The following TYW1B variants were observed in gnomAD, a reference collection of about 807,000 sequenced individuals.
TYW1B encodes tRNA-yW synthesizing protein 1 homolog B, also known as S-adenosyl-L-methionine-dependent tRNA 4-demethylwyosine synthase TYW1B.
TYW1B carries 73 observed loss-of-function variants against 86.9 expected under a neutral mutation model. The observed-to-expected ratio is 0.84, with a 90% CI of 0.70 to 1.02. The LOEUF (loss-of-function observed/expected upper bound fraction) is 1.02. Among genes scored for constraint, TYW1B ranks in the 50% least tolerant of loss-of-function variants. The pLI is 0.00. For synonymous variants in TYW1B, 248 were observed against 292.8 expected (o/e 0.85, Z 1.56); for missense variants, 637 against 827.4 (o/e 0.77, Z 2.82).
chr7:72,775,664 C>T (rs2105511), intron 7 of TYW1B, among the ~76,000 whole-genome samples: 103,148 of 151,576 alleles, frequency 0.68, 36,119 homozygotes, highest in Non-Finnish European at 0.77. Context: ...AATTCATCAC[C>T]AACAAACCTG....
At position 72,810,583 on chromosome 7, in the gene TYW1B, T is replaced by G. The variant is rs549041845; in HGVS notation, c.320A>C (p.Lys107Thr). 6.2e-7 allele frequency: 1 copy of G among 1,613,956 alleles called. No homozygotes were observed. Among genetic ancestry groups the G allele is most frequent in the Non-Finnish European group, 8.5e-7 (1 of 1,179,862 alleles). The change falls in exon 4 of 14, where the codon AAA becomes ACA. Residue 107 changes from lysine (K) to threonine (T), a missense_variant. Coordinates refer to ENST00000620995, the MANE Select transcript of TYW1B (RefSeq NM_001145440.3). Reference protein sequence around the residue: ...LPTESAEWFCKWLEEASIDFR... With the variant: ...LPTESAEWFCTWLEEASIDFR... ...ATCAATGGATGCTTCCTCTAACCATTTGCAGAACCACTCTGCACTTTCGGT... is the reference window on the plus strand; with the variant it reads ...ATCAATGGATGCTTCCTCTAACCATGTGCAGAACCACTCTGCACTTTCGGT...
At chr7:72,715,359 C>T (rs1253372079) in intron 9 of TYW1B, among the ~76,000 whole-genome samples, 2 of 152,282 alleles carry the variant, frequency 1.3e-5, no homozygotes, top group African/African-American at 4.8e-5. Context: ...GGAGGGGCCT[C>T]GTGCATCAGG....
intron 8 of TYW1B, among the ~76,000 whole-genome samples, chr7:72,741,074 T>C (rs1405469591): frequency 6.6e-6 from 1 of 151,918 alleles, no homozygotes; most frequent in Non-Finnish European, 1.5e-5. Flanking sequence ...ATACAAACCA[T>C]GCAAAGAAAC....
chr7:72,800,866 T>A (rs1788392305), intron 6 of TYW1B, among the ~76,000 whole-genome samples: 1 of 152,094 alleles, frequency 6.6e-6, no homozygotes, highest in Admixed American at 6.6e-5. Flanking sequence ...TACTAGAATT[T>A]TTATTGGGAT....
chr7:72,592,238 T>A (rs572548896), intron 13 of TYW1B, among the ~76,000 whole-genome samples: 27 of 151,864 alleles, frequency 1.8e-4, no homozygotes, highest in Non-Finnish European at 3.2e-4. Context: ...AAGGTGTTAT[T>A]CTGTGACATC....
chr7:72,728,250 T>C (rs150361477), intron 9 of TYW1B, among the ~76,000 whole-genome samples: 1 of 152,316 alleles, frequency 6.6e-6, no homozygotes, highest in Admixed American at 6.5e-5. Flanking sequence ...TGATGGTACA[T>C]TCCCAGGTAA....
intron 11 of TYW1B, among the ~76,000 whole-genome samples, chr7:72,655,074 G>T (rs567138995): frequency 1.3e-5 from 2 of 152,022 alleles, no homozygotes; most frequent in Admixed American, 1.3e-4. Flanking sequence ...GACTAGAGGC[G>T]CTTGGTACTC....
rs370356685 is a variant in TYW1B, at chr7:72,694,781, G to A, written c.1412C>T (p.Ala471Val). 11 of 1,611,668 alleles carry A rather than the reference G, an allele frequency of 6.8e-6. No homozygotes were observed. The African/African-American group carries it at 1.1e-4, about 16-fold the overall frequency. The change falls in exon 11 of 14, where the codon GCC (alanine) becomes GTC (valine). Residue 471 changes from alanine (A) to valine (V), a missense_variant. Physicochemically the swap from Ala to Val is moderately conservative, Grantham distance 64. Transcript: ENST00000620995. ...TTTCTTCAGGCTGTCTTTGGTACTG[G>A]CATCCACACTGACATACAGCTGAGT... ...PVTQLYVSVD[A>V]STKDSLKKID...
intron 13 of TYW1B, among the ~76,000 whole-genome samples, chr7:72,592,756 T>G (rs1811425878): frequency 6.6e-6 from 1 of 152,028 alleles, no homozygotes; most frequent in Non-Finnish European, 1.5e-5. Context: ...TCTACTAATA[T>G]CAAAGAAAAT....
At chr7:72,713,873 T>A (rs1415279309) in intron 9 of TYW1B, 75 bp from the exon 10 acceptor site, 1 of 1,460,390 alleles carries the variant, frequency 6.8e-7, no homozygotes, top group African/African-American at 1.4e-5. Flanking sequence ...TAATGATGCT[T>A]TGATTTTATA....
At chr7:72,728,616 T>C (rs1420073178) in intron 9 of TYW1B, among the ~76,000 whole-genome samples, 1 of 152,176 alleles carries the variant, frequency 6.6e-6, no homozygotes, top group Non-Finnish European at 1.5e-5. Context: ...GCCAAGTTGC[T>C]ACATTTTAAA....
intron 13 of TYW1B, among the ~76,000 whole-genome samples, chr7:72,597,119 A>T (rs1185234968): frequency 2.0e-5 from 3 of 151,972 alleles, no homozygotes; most frequent in African/African-American, 7.3e-5. Context: ...GATAAATATA[A>T]GGCAGACCAC....
At chr7:72,630,671 A>G (rs1391113882) in intron 11 of TYW1B, among the ~76,000 whole-genome samples, 4 of 152,228 alleles carry the variant, frequency 2.6e-5, no homozygotes, top group African/African-American at 9.6e-5. Context: ...CAGCCACACC[A>G]GAAATTAATG....
chr7:72,818,578 CAAAA>C (rs57325230), intron 2 of TYW1B, among the ~76,000 whole-genome samples: 539 of 38,380 alleles, frequency 0.014, 2 homozygotes, highest in Middle Eastern at 0.039. Context: ...GACTCCATCT[CAAAA>C]AAAAAAAAAA....
chr7:72,789,246 G>A (rs1330514186), intron 6 of TYW1B, among the ~76,000 whole-genome samples: 4 of 152,106 alleles, frequency 2.6e-5, no homozygotes, highest in African/African-American at 7.2e-5. Flanking sequence ...CGATTCTCCT[G>A]TCTCAGCCTC....
At chr7:72,694,177 G>A (rs1452757371) in intron 11 of TYW1B, among the ~76,000 whole-genome samples, 1 of 152,114 alleles carries the variant, frequency 6.6e-6, no homozygotes, top group East Asian at 1.9e-4. Flanking sequence ...TGGCCAGGCT[G>A]GTCTTGAACT....
At chr7:72,619,647 CAAA>C (rs34309451) in intron 12 of TYW1B, among the ~76,000 whole-genome samples, 4 of 68,758 alleles carry the variant, frequency 5.8e-5, no homozygotes, top group Admixed American at 2.9e-4. Context: ...GACTCCGTCT[CAAA>C]AAAAAAAAAA....
intron 8 of TYW1B, among the ~76,000 whole-genome samples, chr7:72,742,467 G>C (rs1430712893): frequency 6.6e-6 from 1 of 152,026 alleles, no homozygotes; most frequent in Non-Finnish European, 1.5e-5. Flanking sequence ...TTTTTCTCTT[G>C]ATGACGTAAA....
chr7:72,632,389 T>C lies in TYW1B; in HGVS notation c.1507-3392A>G, dbSNP rs532835159. Among the ~76,000 whole-genome samples the C allele has an allele frequency of 7.7e-3, 711 of 92,104 alleles. 18 individuals are homozygous for C. The highest frequency in any genetic ancestry group is 0.035 in the African/African-American group (508 of 14,568). 60.4% of individuals were successfully genotyped at this position (92,104 alleles called of 152,430 possible). On this transcript the variant is annotated intron_variant, in intron 11 of 13. Transcript: ENST00000620995. ...TACGCATATATATTATATATATACG[T>C]ATATATATATAATATATATATACAT...
Sources: gnomAD v4.1 joint callset for allele counts (sites outside exome capture counted in the v4.1 genomes callset) on GRCh38, gnomAD v4.1.1 for gene constraint, MANE v1.5 for transcripts, NCBI Gene and HGNC (gene_info 2026-07-23, HGNC 2026-07-21) for gene names.